The following SLC2A9 variants were observed in gnomAD, a reference collection of about 807,000 sequenced individuals.
The protein encoded by SLC2A9 is solute carrier family 2 member 9.
SLC2A9 carries 39 observed loss-of-function variants against 50.6 expected under a neutral mutation model. The ratio of observed to expected loss-of-function variants is 0.77; its 90% CI spans 0.60 to 1.01. SLC2A9 has a LOEUF of 1.01. Ranked by LOEUF, SLC2A9 falls within the 50% of genes least tolerant of loss-of-function variation. SLC2A9 has a pLI of 0.00. For missense variants in SLC2A9, 686 were observed against 677.6 expected, an observed-to-expected ratio of 1.01 and a Z score of -0.14; for synonymous variants, 324 against 276.9, an observed-to-expected ratio of 1.17 and a Z score of -1.69.
chr4:9,887,508 C>A, intron 10 of SLC2A9, 59 bp downstream of exon 10: 1 of 1,501,798 alleles, frequency 6.7e-7, no homozygotes, highest in Non-Finnish European at 9.0e-7. Flanking sequence ...GGAGAGCCCC[C>A]CAGCTTGGTG....
intron 7 of SLC2A9, among the ~76,000 whole-genome samples, chr4:9,914,642 C>T (rs1742523098): frequency 6.6e-6 from 1 of 152,180 alleles, no homozygotes; most frequent in South Asian, 2.1e-4. Context: ...CTGTGAGCTC[C>T]TATTCTTGGG....
At chr4:9,973,827 G>A (rs530059075) in intron 5 of SLC2A9, among the ~76,000 whole-genome samples, 22 of 150,246 alleles carry the variant, frequency 1.5e-4, no homozygotes, top group East Asian at 3.9e-4. Flanking sequence ...TAACCTGCAC[G>A]TTGTGCACAT....
chr4:9,820,694 T>C (rs1724280120), intron 3 of SLC2A9, among the ~76,000 whole-genome samples: 1 of 152,194 alleles, frequency 6.6e-6, no homozygotes, highest in African/African-American at 2.4e-5. Flanking sequence ...TTTCTTGTTT[T>C]GGGAACTATT....
chr4:9,893,619 G>T (rs1392434787), intron 8 of SLC2A9, among the ~76,000 whole-genome samples: 1 of 151,976 alleles, frequency 6.6e-6, no homozygotes, highest in Non-Finnish European at 1.5e-5. Flanking sequence ...AGAGAAACCT[G>T]CATTTAAAGC....
intron 8 of SLC2A9, among the ~76,000 whole-genome samples, chr4:9,893,233 C>G (rs759402015): frequency 2.6e-4 from 40 of 152,228 alleles, no homozygotes; most frequent in Non-Finnish European, 5.3e-4. Flanking sequence ...CCCCCTCCCC[C>G]CTCCGCATTC....
chr4:9,868,450 G>A (rs1485093969), intron 10 of SLC2A9, among the ~76,000 whole-genome samples: 1 of 152,224 alleles, frequency 6.6e-6, no homozygotes, highest in African/African-American at 2.4e-5. Context: ...AAAGCATCCA[G>A]CTAACCAGGG....
intron 6 of SLC2A9, among the ~76,000 whole-genome samples, chr4:9,933,611 G>T (rs772066846): frequency 6.6e-6 from 1 of 152,286 alleles, no homozygotes; most frequent in Middle Eastern, 3.4e-3. Flanking sequence ...AGACTTTAGG[G>T]GGGTGAGGAC....
At chr4:9,945,208 A>C (rs1165136160) in intron 5 of SLC2A9, among the ~76,000 whole-genome samples, 1 of 152,226 alleles carries the variant, frequency 6.6e-6, no homozygotes, top group Non-Finnish European at 1.5e-5. Context: ...CTGGATTTGA[A>C]TTCTGCCTCT....
intron 5 of SLC2A9, among the ~76,000 whole-genome samples, chr4:9,943,460 A>C (rs552859847): frequency 3.2e-4 from 49 of 152,132 alleles, no homozygotes; most frequent in Middle Eastern, 3.4e-3. Context: ...GAAGGCTGGG[A>C]GGGGTAGGCT....
intron 4 of SLC2A9, 78 bp from the exon 5 acceptor site, chr4:9,980,815 G>T: frequency 6.3e-7 from 1 of 1,593,552 alleles, no homozygotes; most frequent in South Asian, 1.1e-5. Context: ...TGCCTCTCTT[G>T]GCTCTGCTTT....
intron 8 of SLC2A9, among the ~76,000 whole-genome samples, chr4:9,906,251 G>T (rs561416661): frequency 9.9e-5 from 15 of 152,272 alleles, no homozygotes; most frequent in Non-Finnish European, 1.6e-4. Flanking sequence ...CACAGAGCTG[G>T]GACTGGAACC....
chr4:10,023,169 GAGA>G (rs1458066138), upstream of SLC2A9, among the ~76,000 whole-genome samples: 1 of 152,242 alleles, frequency 6.6e-6, no homozygotes, highest in Non-Finnish European at 1.5e-5. Context: ...TGAGCGGACA[GAGA>G]AGGATACGGG....
At chr4:10,017,797 T>A (rs1033926157) in intron 2 of SLC2A9, among the ~76,000 whole-genome samples, 2 of 152,180 alleles carry the variant, frequency 1.3e-5, no homozygotes, top group African/African-American at 4.8e-5. Flanking sequence ...GTGTCCTACA[T>A]CCGTGTCCCC....
At chr4:9,792,554 A>G (rs1484176097) in intron 3 of SLC2A9, among the ~76,000 whole-genome samples, 6 of 150,108 alleles carry the variant, frequency 4.0e-5, no homozygotes, top group Non-Finnish European at 7.4e-5. Flanking sequence ...GTTTGTATAG[A>G]GTGAGTAATT....
downstream of SLC2A9, among the ~76,000 whole-genome samples, chr4:9,775,859 T>A (rs561740400): frequency 1.2e-3 from 181 of 152,334 alleles, 1 homozygote; most frequent in Non-Finnish European, 1.2e-3. Flanking sequence ...ATACACCATC[T>A]TTGGAGACTA....
At chr4:9,782,792 C>T (rs760419966) in intron 3 of SLC2A9, 4 of 1,613,808 alleles carry the variant, frequency 2.5e-6, no homozygotes, top group Middle Eastern at 1.6e-4. Context: ...CGCCCAGGTG[C>T]AGATCCGCAG....
intron 2 of SLC2A9, among the ~76,000 whole-genome samples, chr4:9,999,780 C>A (rs1166678851): frequency 1.3e-5 from 2 of 152,094 alleles, no homozygotes; most frequent in Non-Finnish European, 2.9e-5. Flanking sequence ...TTCAGAGGAT[C>A]CCTCTGGCAA....
At position 9,835,602 on chromosome 4, in the gene SLC2A9, A is replaced by C. The variant is rs139528003; in HGVS notation, c.1292-594T>G. Among the ~76,000 whole-genome samples the C allele has an allele frequency of 2.9e-3, 445 of 152,320 alleles. 2 individuals carry two copies. The highest frequency in any genetic ancestry group is 0.01 in the African/African-American group (420 of 41,558). On this transcript the variant is annotated intron_variant, in intron 10 of 11. Coordinates refer to ENST00000264784, the MANE Select transcript of SLC2A9 (RefSeq NM_020041.3). ...GGCATTCATTGTGTCAACATCCAAC[A>C]ATTATTTATGTGCTGGGGCTGTTCC...
At chr4:9,883,632 G>A (rs990641962) in intron 10 of SLC2A9, among the ~76,000 whole-genome samples, 8 of 152,220 alleles carry the variant, frequency 5.3e-5, no homozygotes, top group African/African-American at 1.9e-4. Context: ...GGCAAGGACT[G>A]GGCAAAGAAC....
Sources: allele counts gnomAD v4.1 joint callset (sites outside exome capture counted in the v4.1 genomes callset), GRCh38; gene constraint gnomAD v4.1.1; transcripts MANE v1.5; gene names NCBI Gene and HGNC (gene_info 2026-07-23, HGNC 2026-07-21).